The following LRRC8B variants were observed in gnomAD, a reference collection of about 807,000 sequenced individuals.
LRRC8B encodes the protein leucine rich repeat containing 8 VRAC subunit B, also known as volume-regulated anion channel subunit LRRC8B.
In LRRC8B, 23 loss-of-function variants were observed where a neutral mutation model predicts 58.8. The ratio of observed to expected loss-of-function variants is 0.39; its 90% CI spans 0.28 to 0.55. The LOEUF (loss-of-function observed/expected upper bound fraction) is 0.55, where lower values mean the gene tolerates loss of function less well. Among genes scored for constraint, LRRC8B ranks in the 20% least tolerant of loss-of-function variants. LRRC8B has a pLI of 0.62. For missense variants in LRRC8B, 694 were observed against 936.0 expected, an observed-to-expected ratio of 0.74 and a Z score of 3.37; for synonymous variants, 359 against 374.1, an observed-to-expected ratio of 0.96 and a Z score of 0.47.
intron 4 of LRRC8B, 94 bp from the exon 5 acceptor site, chr1:89,582,531 A>G (rs976929012): frequency 9.7e-6 from 7 of 722,408 alleles, no homozygotes; most frequent in African/African-American, 8.9e-5. Context: ...GCTAAATCCT[A>G]CTTGGGAAGG....
chr1:89,583,834 A>C lies in LRRC8B; in HGVS notation c.1184A>C (p.Lys395Thr). 2 of 1,614,220 alleles carry C rather than the reference A, an allele frequency of 1.2e-6. No homozygotes were observed. ...TTCCTATCAGAGGTCAGTGAGAACAAACTGAAACAGATCAACCTCAATAAT... is the reference window on the plus strand; with the variant it reads ...TTCCTATCAGAGGTCAGTGAGAACACACTGAAACAGATCAACCTCAATAAT... The part of the protein sequence containing the change: ...SIFLSEVSEN[K>T]LKQINLNNEW... Residue 395 changes from lysine to threonine, a missense_variant, in exon 5 of 6, where the codon AAA becomes ACA. Lys to Thr is a moderately conservative substitution (Grantham distance 78). This residue lies in a region of LRRC8B where 162 missense variants were observed against 198.5 expected (regional missense o/e 0.82). Transcript: ENST00000330947. This position sits in a 1 kb window ranked among gnomAD's most constrained non-coding sequence, Gnocchi z 5.2.
intron 1 of LRRC8B, among the ~76,000 whole-genome samples, chr1:89,548,130 T>G (rs1185766352): frequency 6.6e-6 from 1 of 152,252 alleles, no homozygotes; most frequent in Non-Finnish European, 1.5e-5. Context: ...AAGTTCTCGC[T>G]TAGATTATAT....
At chr1:89,565,122 G>T (rs1652956260) in intron 1 of LRRC8B, among the ~76,000 whole-genome samples, 2 of 152,186 alleles carry the variant, frequency 1.3e-5, no homozygotes, top group Non-Finnish European at 2.9e-5. Context: ...ATATGTGGTA[G>T]GCTCTCAGGA....
intron 1 of LRRC8B, among the ~76,000 whole-genome samples, chr1:89,552,456 G>A (rs893747520): frequency 2.6e-5 from 4 of 152,152 alleles, no homozygotes; most frequent in Non-Finnish European, 4.4e-5. Context: ...AAGAATAATC[G>A]TTAGGTACTT....
chr1:89,542,212 T>C (rs1323176798), intron 1 of LRRC8B, among the ~76,000 whole-genome samples: 1 of 152,188 alleles, frequency 6.6e-6, no homozygotes, highest in Non-Finnish European at 1.5e-5. Flanking sequence ...GAGAAGAGTG[T>C]CATCTGCTAG....
chr1:89,592,805 A>C lies in LRRC8B; in HGVS notation c.2174A>C (p.Lys725Thr). The stretch of plus-strand genomic sequence containing the variant: ...CTACCAGATGGGCTGTTTCAGTGCA[A>C]AAAGCTGCAGTGTTTACTTTTGGGG... ...EMLPDGLFQCKKLQCLLLGKN... is the reference protein window; with the variant it reads ...EMLPDGLFQCTKLQCLLLGKN... The change falls in exon 6 of 6, where the codon AAA becomes ACA. Residue 725 changes from lysine to threonine, a missense_variant. Lys to Thr is a moderately conservative substitution (Grantham distance 78). This residue lies in a region of LRRC8B where 139 missense variants were observed against 158.2 expected (regional missense o/e 0.88). Coordinates refer to ENST00000330947, the MANE Select transcript of LRRC8B (RefSeq NM_001369817.2). The C allele has an allele frequency of 6.2e-7, 1 of 1,614,090 alleles. No homozygotes were observed. Among genetic ancestry groups the C allele is most frequent in the Non-Finnish European group, 8.5e-7 (1 of 1,180,014 alleles).
At chr1:89,564,216 C>T (rs763855716) in intron 1 of LRRC8B, among the ~76,000 whole-genome samples, 21 of 152,154 alleles carry the variant, frequency 1.4e-4, no homozygotes, top group Non-Finnish European at 2.4e-4. Flanking sequence ...GGCTATCTAT[C>T]ATGTCGACTT....
chr1:89,528,267 C>T (rs1649851512), intron 1 of LRRC8B, among the ~76,000 whole-genome samples: 1 of 152,170 alleles, frequency 6.6e-6, no homozygotes, highest in Non-Finnish European at 1.5e-5. Flanking sequence ...GTATCCAGCT[C>T]CATGCAGGTG....
rs1410054255 is a variant in LRRC8B, at chr1:89,583,181, A to G, written c.531A>G (p.Ser177=). The change falls in exon 5 of 6, where the codon TCA becomes TCG. Residue 177 remains serine (S), a synonymous_variant. Transcript: ENST00000330947. The surrounding 1 kb of genome is among the most constrained non-coding windows in gnomAD (Gnocchi z 5.2). ...TTTCAGAAACAGTGGCTGAGCAGTC[A>G]GTGAGGCCTCTGAAACTCTCCAAGT... is the stretch of plus-strand genomic sequence containing the variant. ...RALSETVAEQ[S]VRPLKLSKSK... The G allele has an allele frequency of 6.2e-7, 1 of 1,614,068 alleles. No homozygotes were observed. The highest frequency in any genetic ancestry group is 1.3e-5 in the African/African-American group (1 of 74,924).
At chr1:89,548,961 G>A (rs533779075) in intron 1 of LRRC8B, among the ~76,000 whole-genome samples, 6 of 152,292 alleles carry the variant, frequency 3.9e-5, no homozygotes, top group Admixed American at 6.5e-5. Flanking sequence ...AGATTGGGGT[G>A]TGATTGCTAA....
At chr1:89,525,458 G>T (rs1649608235) in intron 1 of LRRC8B, among the ~76,000 whole-genome samples, 1 of 152,238 alleles carries the variant, frequency 6.6e-6, no homozygotes, top group South Asian at 2.1e-4. Flanking sequence ...CCATTTGGTC[G>T]CTCTGTTTTG....
At chr1:89,571,205 G>T (rs553399320) in intron 3 of LRRC8B, among the ~76,000 whole-genome samples, 1 of 151,954 alleles carries the variant, frequency 6.6e-6, no homozygotes, top group Non-Finnish European at 1.5e-5. Context: ...TTCTTTTTTT[G>T]GTTCCATGTG....
chr1:89,532,743 CTAA>C (rs1650233065), intron 1 of LRRC8B, among the ~76,000 whole-genome samples: 1 of 152,170 alleles, frequency 6.6e-6, no homozygotes, highest in Admixed American at 6.5e-5. Flanking sequence ...TGAGAATGGA[CTAA>C]TACACCAATT....
At chr1:89,543,465 T>A (rs894913385) in intron 1 of LRRC8B, among the ~76,000 whole-genome samples, 1 of 152,068 alleles carries the variant, frequency 6.6e-6, no homozygotes, top group Non-Finnish European at 1.5e-5. Flanking sequence ...CAAGAAAAAA[T>A]TTATTCTAAT....
intron 5 of LRRC8B, among the ~76,000 whole-genome samples, chr1:89,588,686 A>C (rs775251433): frequency 2.0e-5 from 3 of 152,224 alleles, no homozygotes; most frequent in Non-Finnish European, 4.4e-5. Context: ...CTCTGATTGT[A>C]GCATATAAAA....
rs1654079732 is a variant in LRRC8B at position 89,579,588 on chromosome 1, T to C, written c.-124-3T>C. On this transcript the variant is annotated splice_polypyrimidine_tract_variant and splice_region_variant and intron_variant, in intron 3 of 5. Coordinates refer to ENST00000330947, the MANE Select transcript of LRRC8B (RefSeq NM_001369817.2). Reference sequence around the variant, plus strand: ...ATTTCAAGATATCTATGTTTTCTCATAGAATGAAGACAAACACAGAGATGG... The same window carrying C: ...ATTTCAAGATATCTATGTTTTCTCACAGAATGAAGACAAACACAGAGATGG... The C allele has an allele frequency of 6.6e-6, 1 of 152,670 alleles. No individual in the cohort carries two copies. Among genetic ancestry groups the C allele is most frequent in the African/African-American group, 2.4e-5 (1 of 41,460 alleles). The allele number at this position is 152,670 out of a possible 1,614,324, so 9.5% of individuals were successfully genotyped here. A position where few individuals can be genotyped will look rare whatever the true frequency, so the allele number is the denominator to read the frequency against.
At chr1:89,571,068 A>C (rs780262650) in intron 3 of LRRC8B, among the ~76,000 whole-genome samples, 1 of 152,204 alleles carries the variant, frequency 6.6e-6, no homozygotes, top group East Asian at 1.9e-4. Context: ...CCATTGGTCT[A>C]TGTGTCCGCT....
rs201248494 is a variant in LRRC8B, at chr1:89,553,208, C to G, written c.-240-15039C>G. Among the ~76,000 whole-genome samples, 39 of 152,276 alleles carry G rather than the reference C, an allele frequency of 2.6e-4. No homozygotes were observed. The East Asian group carries it at 6.2e-3, about 24-fold the overall frequency. Reference sequence around the variant, plus strand: ...AATAATTTAAAAGACTTATTTCGCACTGAAATTAAGTTACCTTGTGGTGAA... The same window carrying G: ...AATAATTTAAAAGACTTATTTCGCAGTGAAATTAAGTTACCTTGTGGTGAA... On this transcript the variant is annotated intron_variant, in intron 1 of 5. Transcript: ENST00000330947.
chr1:89,555,054 C>T (rs757746349), intron 1 of LRRC8B, among the ~76,000 whole-genome samples: 20 of 152,098 alleles, frequency 1.3e-4, no homozygotes, highest in Non-Finnish European at 2.5e-4. Context: ...ACTCTGTTTC[C>T]AGAGGGCCCA....
Sources: allele counts gnomAD v4.1 joint callset (sites outside exome capture counted in the v4.1 genomes callset), GRCh38; gene constraint gnomAD v4.1.1; regional missense constraint gnomAD v4.1.1; non-coding constraint Gnocchi (gnomAD v3.1); transcripts MANE v1.5; gene names NCBI Gene and HGNC (gene_info 2026-07-23, HGNC 2026-07-21).